Variants in ITSN2 observed in about 807,000 individuals in gnomAD.
ITSN2 encodes intersectin-2.
In ITSN2, 156 loss-of-function variants were observed where a neutral mutation model predicts 243.7. The observed-to-expected ratio is 0.64, with a 90% CI of 0.56 to 0.73. The LOEUF (loss-of-function observed/expected upper bound fraction) is 0.73, where lower values mean the gene tolerates loss of function less well. Among genes scored for constraint, ITSN2 ranks in the 30% least tolerant of loss-of-function variants. The pLI is 0.00. For missense variants in ITSN2, 1,801 were observed against 1,996.1 expected (o/e 0.90, Z 1.86); for synonymous variants, 703 against 699.9 (o/e 1.00, Z -0.07).
chr2:24,211,811 AT>A lies in ITSN2; in HGVS notation c.4089+838del, dbSNP rs558002834. ...CTAAGGCTCAGTTGAGGAGTCATAT[AT>A]TATATGGTATTTGAGCTACATTCCG... On this transcript the variant is annotated intron_variant, in intron 33 of 39. Coordinates refer to ENST00000355123, the MANE Select transcript of ITSN2 (RefSeq NM_006277.3). This position sits in a 1 kb window ranked among gnomAD's most constrained non-coding sequence, Gnocchi z 4.1. Among the ~76,000 whole-genome samples the A allele has an allele frequency of 1.6e-3, 239 of 152,298 alleles. 1 individual carries two copies. The highest frequency in any genetic ancestry group is 5.5e-3 in the African/African-American group (227 of 41,546).
intron 11 of ITSN2, 121 bp downstream of exon 11, chr2:24,301,033 G>A (rs190851091): frequency 3.2e-5 from 17 of 535,224 alleles, no homozygotes; most frequent in Non-Finnish European, 5.0e-5. Flanking sequence ...CTATCAAATA[G>A]TTTTTTCTCA....
chr2:24,322,490 A>C (rs1009804834), intron 2 of ITSN2, among the ~76,000 whole-genome samples: 5 of 152,240 alleles, frequency 3.3e-5, no homozygotes, highest in Non-Finnish European at 5.9e-5. Context: ...TCAAGGTGGA[A>C]AACAGTCCTT....
chr2:24,210,628 AAAAAAAG>A, intron 34 of ITSN2, 145 bp downstream of exon 34: 13 of 638,846 alleles, frequency 2.0e-5, no homozygotes, highest in Non-Finnish European at 2.6e-5. Context: ...AAAAAAAAAA[AAAAAAAG>A]AAAAAAAAAT....
chr2:24,275,027 G>A (rs1490860506), intron 18 of ITSN2, among the ~76,000 whole-genome samples: 2 of 152,142 alleles, frequency 1.3e-5, no homozygotes, highest in Non-Finnish European at 2.9e-5. Flanking sequence ...TATAAATGGA[G>A]GCAATTAATA....
chr2:24,204,136 C>T lies in ITSN2; in HGVS notation c.4936+109G>A. 1.8e-6 allele frequency: 2 copies of T among 1,116,424 alleles called. No individual in the cohort carries two copies. Among genetic ancestry groups the T allele is most frequent in the Non-Finnish European group, 2.6e-6 (2 of 761,582 alleles). 69.2% of individuals were successfully genotyped at this position (1,116,424 alleles called of 1,614,324 possible). A position where few individuals can be genotyped will look rare whatever the true frequency, so the allele number is the denominator to read the frequency against. ...AGCGAGATGACACAGGCCTGTGTCA[C>T]TTCCCTGAAGTGGCATGGGGTCTGC... On this transcript the variant is annotated intron_variant, in intron 39 of 39. Transcript: ENST00000355123. The surrounding 1 kb of genome is among the most constrained non-coding windows in gnomAD (Gnocchi z 5.1).
chr2:24,209,067 G>C (rs1358035678), intron 36 of ITSN2, 33 bp downstream of exon 36: 1 of 1,611,280 alleles, frequency 6.2e-7, no homozygotes, highest in African/African-American at 1.3e-5. Context: ...TTCTCCCAGA[G>C]TTCAAGGCAG....
rs1685349240 is a variant in ITSN2, at chr2:24,328,054, T to C, written c.29A>G (p.Asn10Ser). 6.2e-7 allele frequency: 1 copy of C among 1,613,554 alleles called. No homozygotes were observed. Among genetic ancestry groups the C allele is most frequent in the African/African-American group, 1.3e-5 (1 of 74,848 alleles). MMAQFPTAM[N>S]GGPNMWAITS... ...GCCACAAGCACAAAGCTGCTTACCA[T>C]TCATAGCTGTGGGAAACTGAGCCAT... is the stretch of plus-strand genomic sequence containing the variant. The change falls in exon 2 of 40, where the codon AAT (asparagine) becomes AGT (serine). Residue 10 changes from asparagine to serine, a missense_variant and splice_region_variant. Physicochemically the swap from Asn to Ser is conservative, Grantham distance 46. Around this residue, in one of 5 missense-constraint regions of ITSN2, gnomAD observed 77 missense variants for 90.1 expected, o/e 0.85. Transcript: ENST00000355123.
At chr2:24,259,590 T>G (rs1039439752) in intron 22 of ITSN2, among the ~76,000 whole-genome samples, 3 of 152,214 alleles carry the variant, frequency 2.0e-5, no homozygotes, top group Non-Finnish European at 4.4e-5. Flanking sequence ...CCTTTCTCCA[T>G]GAATCCTGTA....
intron 15 of ITSN2, among the ~76,000 whole-genome samples, chr2:24,290,017 T>C (rs1680047948): frequency 6.6e-6 from 1 of 152,212 alleles, no homozygotes; most frequent in South Asian, 2.1e-4. Context: ...TGAGAGTTTT[T>C]ATCATGAAAA....
chr2:24,340,052 A>G (rs1269002126), intron 1 of ITSN2, among the ~76,000 whole-genome samples: 1 of 150,960 alleles, frequency 6.6e-6, no homozygotes, highest in Non-Finnish European at 1.5e-5. Flanking sequence ...AAAATAATGT[A>G]AAAAAAAACA....
rs1255247451 is a variant in ITSN2 at position 24,332,599 on chromosome 2, G to A, written c.-33-4484C>T. 2.0e-5 allele frequency among the ~76,000 whole-genome samples: 3 copies of A among 152,080 alleles called. No homozygotes were observed. The East Asian group carries it at 5.8e-4, about 29-fold the overall frequency. On this transcript the variant is annotated intron_variant, in intron 1 of 39. Coordinates refer to ENST00000355123, the MANE Select transcript of ITSN2 (RefSeq NM_006277.3). ...TATTGTATGTAACATCTGATTAACT[G>A]TGGTAACATCTAAATATGGGAGTAT...
intron 30 of ITSN2, chr2:24,220,244 T>C (rs1573897239): frequency 1.2e-6 from 1 of 815,758 alleles, no homozygotes; most frequent in Non-Finnish European, 1.5e-6. Flanking sequence ...TCTTTTCAGG[T>C]GGTTTGTTAA....
At chr2:24,257,163 T>C (rs1420129166) in intron 23 of ITSN2, among the ~76,000 whole-genome samples, 1 of 151,876 alleles carries the variant, frequency 6.6e-6, no homozygotes, top group Non-Finnish European at 1.5e-5. Context: ...CTACAAATAA[T>C]TTAAAAATAA....
intron 29 of ITSN2, among the ~76,000 whole-genome samples, chr2:24,223,334 A>G (rs1205580165): frequency 6.6e-6 from 1 of 152,106 alleles, no homozygotes; most frequent in East Asian, 1.9e-4. Flanking sequence ...GCTTTAAAGA[A>G]ATTACTCCCA....
intron 22 of ITSN2, among the ~76,000 whole-genome samples, 184 bp downstream of exon 22, chr2:24,260,922 A>AAAAT (rs1675768351): frequency 6.6e-6 from 1 of 151,520 alleles, no homozygotes; most frequent in African/African-American, 2.4e-5. Context: ...AAAAAAAAAA[A>AAAAT]TTGTTGAGAA....
chr2:24,310,434 CAAAT>C (rs969873035), intron 6 of ITSN2, 51 bp downstream of exon 6: 2 of 1,606,958 alleles, frequency 1.2e-6, no homozygotes, highest in African/African-American at 2.7e-5. Context: ...TGTTCAAACA[CAAAT>C]AGTTTCTTTC....
At chr2:24,238,121 C>T (rs569313372) in intron 29 of ITSN2, among the ~76,000 whole-genome samples, 3 of 152,206 alleles carry the variant, frequency 2.0e-5, no homozygotes, top group South Asian at 2.1e-4. Flanking sequence ...GCAAGTCTCT[C>T]GTTCACCAAT....
chr2:24,322,468 T>C (rs144471834), intron 2 of ITSN2, among the ~76,000 whole-genome samples: 2 of 152,320 alleles, frequency 1.3e-5, no homozygotes, highest in East Asian at 3.9e-4. Flanking sequence ...TCCAACAACA[T>C]GTGGAGATAA....
intron 29 of ITSN2, among the ~76,000 whole-genome samples, chr2:24,223,240 ATTTGTATACAT>A (rs1298401140): frequency 1.3e-5 from 2 of 152,198 alleles, no homozygotes; most frequent in African/African-American, 4.8e-5. Context: ...TTTCCTTTGC[ATTTGTATACAT>A]TTTGTATAGA....
Sources: gnomAD v4.1 joint callset for allele counts (sites outside exome capture counted in the v4.1 genomes callset) on GRCh38, gnomAD v4.1.1 for gene constraint, gnomAD v4.1.1 regional missense constraint, Gnocchi (gnomAD v3.1) non-coding constraint, MANE v1.5 for transcripts, NCBI Gene and HGNC (gene_info 2026-07-23, HGNC 2026-07-21) for gene names.